The following BBS5 variants were observed in gnomAD, a reference collection of about 807,000 sequenced individuals.
The protein encoded by BBS5 is BBSome complex member BBS5.
A neutral mutation model predicts 50.2 loss-of-function variants in BBS5; 39 were observed. The ratio of observed to expected loss-of-function variants is 0.78; its 90% CI spans 0.60 to 1.01. BBS5 has a LOEUF of 1.01. Among genes scored for constraint, BBS5 ranks in the 50% least tolerant of loss-of-function variants. The probability of loss-of-function intolerance (pLI) is 0.00; values close to 1 mark genes in which losing one functional copy is unlikely to be tolerated. For synonymous variants in BBS5, 134 were observed against 133.1 expected (o/e 1.01, Z -0.05); for missense variants, 356 against 401.5 (o/e 0.89, Z 0.97).
intron 5 of BBS5, among the ~76,000 whole-genome samples, chr2:169,491,754 A>G (rs966319929): frequency 1.3e-5 from 2 of 150,936 alleles, no homozygotes; most frequent in African/African-American, 2.4e-5. Context: ...AGTTTTCTGT[A>G]TAGAGGTAGA....
At position 169,499,672 on chromosome 2, in the gene BBS5, A is replaced by G. The variant is rs780731742; in HGVS notation, c.816+52A>G. 3.8e-6 allele frequency: 6 copies of G among 1,572,388 alleles called. 1 individual carries two copies. The South Asian group carries it at 6.7e-5, about 18-fold the overall frequency. ...GTTTGCATTGCTTTATGCAGTCTAT[A>G]AAATTCAGATGTAGATACCACTGTG... On this transcript the variant is annotated intron_variant, in intron 9 of 11. Transcript: ENST00000295240.
At chr2:169,484,437 C>T (rs1227258336) in intron 2 of BBS5, among the ~76,000 whole-genome samples, 3 of 151,942 alleles carry the variant, frequency 2.0e-5, no homozygotes, top group Non-Finnish European at 4.4e-5. Flanking sequence ...CCTCAAAAAC[C>T]TTTTGAAATT....
At chr2:169,485,518 G>T (rs2105293395) in intron 2 of BBS5, among the ~76,000 whole-genome samples, 1 of 152,194 alleles carries the variant, frequency 6.6e-6, no homozygotes, top group Non-Finnish European at 1.5e-5. Flanking sequence ...AAGATTTTTA[G>T]TCCTCCCCAA....
At position 169,499,635 on chromosome 2, in the gene BBS5, A is replaced by G. The variant is rs776950058; in HGVS notation, c.816+15A>G. On this transcript the variant is annotated intron_variant, in intron 9 of 11. Coordinates refer to ENST00000295240, the MANE Select transcript of BBS5 (RefSeq NM_152384.3). Reference sequence around the variant, plus strand: ...TGGAAGAAAAGGTAATTTGTTGAGTATGTGAAATAAAGTTTGCATTGCTTT... The same window carrying G: ...TGGAAGAAAAGGTAATTTGTTGAGTGTGTGAAATAAAGTTTGCATTGCTTT... 3.7e-6 allele frequency: 6 copies of G among 1,613,084 alleles called. No individual in the cohort carries two copies.
At chr2:169,491,019 G>C (rs1683587154) in intron 5 of BBS5, among the ~76,000 whole-genome samples, 1 of 152,170 alleles carries the variant, frequency 6.6e-6, no homozygotes, top group Admixed American at 6.5e-5. Context: ...TGTAGCTAAA[G>C]AATATTCCAT....
chr2:169,493,571 A>G (rs1683640846), intron 6 of BBS5, among the ~76,000 whole-genome samples, 170 bp from the exon 7 acceptor site: 1 of 152,164 alleles, frequency 6.6e-6, no homozygotes, highest in South Asian at 2.1e-4. Flanking sequence ...CCTGACTCCA[A>G]AGTCCAGGCT....
At position 169,504,359 on chromosome 2, in the gene BBS5, A is replaced by G. The variant is rs150022852; in HGVS notation, c.924+33A>G. 1.7e-4 allele frequency: 269 copies of G among 1,609,398 alleles called. No homozygotes were observed. The African/African-American group carries it at 3.2e-3, about 19-fold the overall frequency. ...CATTTATTTTACCTACAGTATATGA[A>G]AAAAGTTTCTAAATTCCAACATTTA... On this transcript the variant is annotated intron_variant, in intron 11 of 11. Transcript: ENST00000295240.
rs1226437860 is a variant in BBS5, at chr2:169,506,220, G to A, written c.*1638G>A. The A allele has an allele frequency of 1.3e-5, 2 of 158,822 alleles. No individual in the cohort carries two copies. The highest frequency in any genetic ancestry group is 1.3e-4 in the Admixed American group (2 of 15,304). 9.8% of individuals were successfully genotyped at this position (158,822 alleles called of 1,614,324 possible). A position where few individuals can be genotyped will look rare whatever the true frequency, so the allele number is the denominator to read the frequency against. On this transcript the variant is annotated 3_prime_UTR_variant, in exon 12 of 12. Coordinates refer to ENST00000295240, the MANE Select transcript of BBS5 (RefSeq NM_152384.3). Reference sequence around the variant, plus strand: ...GCCCGGCCAGCCGCCCCGTCCGGGAGGTTAGGGGCGCCTCTGCCCGGCCGC... The same window carrying A: ...GCCCGGCCAGCCGCCCCGTCCGGGAAGTTAGGGGCGCCTCTGCCCGGCCGC...
chr2:169,504,668 T>C lies in BBS5; in HGVS notation c.*86T>C. 4 of 1,206,382 alleles carry C rather than the reference T, an allele frequency of 3.3e-6. No individual in the cohort carries two copies. The highest frequency in any genetic ancestry group is 3.7e-6 in the Non-Finnish European group (3 of 816,514). The allele number at this position is 1,206,382 out of a possible 1,614,324, so 74.7% of individuals were successfully genotyped here. On this transcript the variant is annotated 3_prime_UTR_variant, in exon 12 of 12. Coordinates refer to ENST00000295240, the MANE Select transcript of BBS5 (RefSeq NM_152384.3). ...CCTGCCATAAGTCATGGAATAGTTT[T>C]TATATTTACAGCTTTTATATTTAAA...
Position 169,505,182 on chromosome 2 carries a change from C to G in BBS5, c.*600C>G. 3.5e-6 allele frequency: 2 copies of G among 573,138 alleles called. No homozygotes were observed. The highest frequency in any genetic ancestry group is 6.3e-6 in the Non-Finnish European group (2 of 316,798). 35.5% of individuals were successfully genotyped at this position (573,138 alleles called of 1,614,324 possible). ...GTGTTGGCCGGGCTGGTCTCCAGCTCCTAACCGCGAGTGATCCGCCAGCCT... is the reference window on the plus strand; with the variant it reads ...GTGTTGGCCGGGCTGGTCTCCAGCTGCTAACCGCGAGTGATCCGCCAGCCT... On this transcript the variant is annotated 3_prime_UTR_variant, in exon 12 of 12. Coordinates refer to ENST00000295240, the MANE Select transcript of BBS5 (RefSeq NM_152384.3).
At position 169,497,614 on chromosome 2, in the gene BBS5, A is replaced by G; in HGVS notation, c.619-13A>G. On this transcript the variant is annotated splice_polypyrimidine_tract_variant and intron_variant, in intron 7 of 11. Coordinates refer to ENST00000295240, the MANE Select transcript of BBS5 (RefSeq NM_152384.3). ...AAAAACTTGCATGTTTTTCTTTTTC[A>G]TTTTGTATCTAGCGTTCAATAAAGA... The G allele has an allele frequency of 6.5e-7, 1 of 1,534,700 alleles. No homozygotes were observed. Among genetic ancestry groups the G allele is most frequent in the South Asian group, 1.1e-5 (1 of 88,150 alleles).
At position 169,506,594 on chromosome 2, in the gene BBS5, T is replaced by C. The variant is rs1362239969; in HGVS notation, c.*2012T>C. 1 of 152,280 alleles carries C rather than the reference T, an allele frequency of 6.6e-6. No individual in the cohort carries two copies. Among genetic ancestry groups the C allele is most frequent in the Non-Finnish European group, 1.5e-5 (1 of 68,096 alleles). The allele number at this position is 152,280 out of a possible 1,614,324, so 9.4% of individuals were successfully genotyped here. On this transcript the variant is annotated 3_prime_UTR_variant, in exon 12 of 12. Transcript: ENST00000295240. ...TTTGTACTTAATACCTGTAAAGTCT[T>C]AGTTTTCAGACATTAAGTGACTGTA...
At position 169,504,774 on chromosome 2, in the gene BBS5, C is replaced by T; in HGVS notation, c.*192C>T. On this transcript the variant is annotated 3_prime_UTR_variant, in exon 12 of 12. Transcript: ENST00000295240. ...TTCGGCCAGCGCGTCGAGGGAGGGG[C>T]CAGCGACACATGGCCTAGTAACCGT... 1 of 1,419,300 alleles carries T rather than the reference C, an allele frequency of 7.0e-7. No individual in the cohort carries two copies. The highest frequency in any genetic ancestry group is 9.6e-7 in the Non-Finnish European group (1 of 1,037,230). 87.9% of individuals were successfully genotyped at this position (1,419,300 alleles called of 1,614,324 possible). A position where few individuals can be genotyped will look rare whatever the true frequency, so the allele number is the denominator to read the frequency against.
chr2:169,486,850 A>T (rs559745773), intron 2 of BBS5, among the ~76,000 whole-genome samples: 1 of 152,284 alleles, frequency 6.6e-6, no homozygotes, highest in African/African-American at 2.4e-5. Context: ...GAACATCTGT[A>T]TCCCTTATAT....
intron 2 of BBS5, among the ~76,000 whole-genome samples, chr2:169,485,022 G>A (rs1344203580): frequency 6.6e-6 from 1 of 152,110 alleles, no homozygotes; most frequent in Non-Finnish European, 1.5e-5. Flanking sequence ...GATATACCAA[G>A]AGCAAAGAAA....
At position 169,493,975 on chromosome 2, in the gene BBS5, T is replaced by C. The variant is rs74403530; in HGVS notation, c.618+139T>C. The C allele has an allele frequency of 0.089, 55,117 of 620,854 alleles. 3,405 individuals carry two copies. The highest frequency in any genetic ancestry group is 0.2 in the East Asian group (7,245 of 35,504). 38.5% of individuals were successfully genotyped at this position (620,854 alleles called of 1,614,324 possible). The stretch of plus-strand genomic sequence containing the variant: ...ATTAGCTGAGAGCATATTTTAAAGA[T>C]GCTGATAATTTACTATGAAATATTT... On this transcript the variant is annotated intron_variant, in intron 7 of 11. Coordinates refer to ENST00000295240, the MANE Select transcript of BBS5 (RefSeq NM_152384.3).
chr2:169,493,490 A>G (rs1007690567), intron 6 of BBS5, among the ~76,000 whole-genome samples: 4 of 152,204 alleles, frequency 2.6e-5, no homozygotes, highest in African/African-American at 9.6e-5. Context: ...TACATTTGAC[A>G]AAATACATCA....
At chr2:169,487,033 T>C (rs774176709) in intron 2 of BBS5, 36 bp from the exon 3 acceptor site, 1 of 1,480,072 alleles carries the variant, frequency 6.8e-7, no homozygotes, top group Non-Finnish European at 9.5e-7. Context: ...TGGGTTCTTA[T>C]TTAAGTTAAC....
At chr2:169,487,717 A>G (rs1683510269) in intron 3 of BBS5, 89 bp from the exon 4 acceptor site, 1 of 897,572 alleles carries the variant, frequency 1.1e-6, no homozygotes, top group African/African-American at 1.7e-5. Context: ...TAAACTGTTA[A>G]AAGTTCTGTG....
Sources: allele counts gnomAD v4.1 joint callset (sites outside exome capture counted in the v4.1 genomes callset), GRCh38; gene constraint gnomAD v4.1.1; transcripts MANE v1.5; gene names NCBI Gene and HGNC (gene_info 2026-07-23, HGNC 2026-07-21).